Variants in SMIM17 observed in about 807,000 individuals in gnomAD.
The protein encoded by SMIM17 is small integral membrane protein 17.
In SMIM17, 10 loss-of-function variants were observed where a neutral mutation model predicts 12.2. The observed-to-expected ratio is 0.82, with a 90% CI of 0.50 to 1.39. SMIM17 has a LOEUF of 1.39. SMIM17 is among the 40% of genes most tolerant of loss of function. The pLI, the probability that SMIM17 is intolerant of heterozygous loss-of-function variation, is 0.00. For synonymous variants in SMIM17, 50 were observed against 44.1 expected (o/e 1.13, Z -0.53); for missense variants, 136 against 118.2 (o/e 1.15, Z -0.70).
rs2045142201 is a variant in SMIM17, at chr19:56,655,391, T to A, written c.*178T>A. Reference sequence around the variant, plus strand: ...TTGGTGTGAGTTTTCACATACTTTATTTCCATGAAATGAAGACATCATTGA... The same window carrying A: ...TTGGTGTGAGTTTTCACATACTTTAATTCCATGAAATGAAGACATCATTGA... On this transcript the variant is annotated 3_prime_UTR_variant, in exon 4 of 4. Transcript: ENST00000598409. The A allele has an allele frequency of 2.1e-6, 1 of 486,426 alleles. No individual in the cohort carries two copies. Among genetic ancestry groups the A allele is most frequent in the South Asian group, 4.3e-5 (1 of 23,194 alleles). 30.1% of individuals were successfully genotyped at this position (486,426 alleles called of 1,614,324 possible).
chr19:56,653,678 T>A (rs1368121842), intron 3 of SMIM17, among the ~76,000 whole-genome samples: 2 of 152,320 alleles, frequency 1.3e-5, no homozygotes, highest in East Asian at 3.9e-4. Flanking sequence ...CCAACAACTT[T>A]TGGTGCTCTA....
intron 3 of SMIM17, 33 bp from the exon 4 acceptor site, chr19:56,655,070 C>T: frequency 1.6e-6 from 1 of 643,308 alleles, no homozygotes; most frequent in Non-Finnish European, 2.9e-6. Flanking sequence ...CCTTCCTTTC[C>T]AATATTTATC....
At chr19:56,644,681 G>A (rs1417602403) in intron 1 of SMIM17, among the ~76,000 whole-genome samples, 1 of 152,176 alleles carries the variant, frequency 6.6e-6, no homozygotes, top group Non-Finnish European at 1.5e-5. Context: ...ACTGCCATTT[G>A]TTCATGTGCT....
At chr19:56,654,493 G>A (rs1452277471) in intron 3 of SMIM17, among the ~76,000 whole-genome samples, 1 of 152,216 alleles carries the variant, frequency 6.6e-6, no homozygotes, top group South Asian at 2.1e-4. Flanking sequence ...CCAGGGTGGT[G>A]GTAGTGAAGG....
At chr19:56,646,603 C>T (rs2045065099) in intron 2 of SMIM17, among the ~76,000 whole-genome samples, 1 of 152,110 alleles carries the variant, frequency 6.6e-6, no homozygotes, top group African/African-American at 2.4e-5. Flanking sequence ...CTGAGTCTCA[C>T]TGCATGTGAG....
At chr19:56,654,592 G>A (rs141444793) in intron 3 of SMIM17, among the ~76,000 whole-genome samples, 1 of 152,342 alleles carries the variant, frequency 6.6e-6, no homozygotes, top group Non-Finnish European at 1.5e-5. Context: ...CAGAAAGAGA[G>A]TCAAGGATAC....
Position 56,650,858 on chromosome 19 carries a change from A to G in SMIM17, c.246+3224A>G, listed in dbSNP as rs2045103795. On this transcript the variant is annotated intron_variant, in intron 3 of 3. Coordinates refer to ENST00000598409, the MANE Select transcript of SMIM17 (RefSeq NM_001193628.2). Reference sequence around the variant, plus strand: ...AAGGAGGCAGTTTGGAAGAAATGACAAGGTCGATTTTAGACATGCTGCTTG... The same window carrying G: ...AAGGAGGCAGTTTGGAAGAAATGACGAGGTCGATTTTAGACATGCTGCTTG... Among the ~76,000 whole-genome samples, 3 of 152,212 alleles carry G rather than the reference A, an allele frequency of 2.0e-5. No individual in the cohort carries two copies. The South Asian group carries it at 6.2e-4, about 32-fold the overall frequency.
At chr19:56,646,839 C>T (rs1450677635) in intron 2 of SMIM17, among the ~76,000 whole-genome samples, 3 of 152,068 alleles carry the variant, frequency 2.0e-5, no homozygotes, top group African/African-American at 7.2e-5. Flanking sequence ...GTGCCATTTG[C>T]CGACATCTCA....
Position 56,645,334 on chromosome 19 carries a change from C to T in SMIM17, c.-100-234C>T, listed in dbSNP as rs73632500. ...ATGTGAGTGTGTGTGTCTGCATGTG[C>T]CTGCCCATGACAATCACTCCCTTTC... is the stretch of plus-strand genomic sequence containing the variant. On this transcript the variant is annotated intron_variant, in intron 1 of 3. Transcript: ENST00000598409. 1.8e-3 allele frequency among the ~76,000 whole-genome samples: 278 copies of T among 152,070 alleles called. 1 individual carries two copies. Among genetic ancestry groups the T allele is most frequent in the African/African-American group, 6.5e-3 (270 of 41,482 alleles).
intron 3 of SMIM17, among the ~76,000 whole-genome samples, chr19:56,651,283 G>A (rs114350929): frequency 6.6e-6 from 1 of 152,270 alleles, no homozygotes; most frequent in African/African-American, 2.4e-5. Context: ...GTAAATGGCA[G>A]AGCTAGGATT....
intron 3 of SMIM17, among the ~76,000 whole-genome samples, chr19:56,652,383 A>G (rs2045116195): frequency 6.6e-6 from 1 of 152,036 alleles, no homozygotes; most frequent in African/African-American, 2.4e-5. Flanking sequence ...GGCTGGGCGC[A>G]GTGGCTCACG....
At chr19:56,654,094 T>C (rs2045130030) in intron 3 of SMIM17, among the ~76,000 whole-genome samples, 1 of 152,252 alleles carries the variant, frequency 6.6e-6, no homozygotes, top group South Asian at 2.1e-4. Flanking sequence ...AACAAATATT[T>C]ACAGAGTTCA....
intron 1 of SMIM17, among the ~76,000 whole-genome samples, chr19:56,644,363 A>G (rs542710280): frequency 4.5e-4 from 68 of 152,256 alleles, no homozygotes; most frequent in Non-Finnish European, 8.2e-4. Context: ...TCCCCGGCCC[A>G]CACTGAGGTT....
In SMIM17 at chr19:56,656,976, A is replaced by G. The variant is rs1488701404; in HGVS notation, c.*1763A>G. ...TTATGTGCCTGTTAGTTAACTCAGT[A>G]TCGTCAATTATATTGTTCAGATTCA... is the stretch of plus-strand genomic sequence containing the variant. On this transcript the variant is annotated 3_prime_UTR_variant, in exon 4 of 4. Coordinates refer to ENST00000598409, the MANE Select transcript of SMIM17 (RefSeq NM_001193628.2). Among the ~76,000 whole-genome samples, 1 of 152,236 alleles carries G rather than the reference A, an allele frequency of 6.6e-6. No individual in the cohort carries two copies. The highest frequency in any genetic ancestry group is 2.4e-5 in the African/African-American group (1 of 41,472).
rs1354800715 is a variant in SMIM17, at chr19:56,655,744, C to T, written c.*531C>T. ...CATAGAAAGACTTGGGTAACTTTTACCTTTTCTATGCTTTTCAATAGTTTC... is the reference window on the plus strand; with the variant it reads ...CATAGAAAGACTTGGGTAACTTTTATCTTTTCTATGCTTTTCAATAGTTTC... On this transcript the variant is annotated 3_prime_UTR_variant, in exon 4 of 4. Transcript: ENST00000598409. The T allele has an allele frequency of 6.5e-6, 1 of 153,326 alleles. No homozygotes were observed. The highest frequency in any genetic ancestry group is 6.5e-5 in the Admixed American group (1 of 15,408). 9.5% of individuals were successfully genotyped at this position (153,326 alleles called of 1,614,324 possible).
chr19:56,648,237 AC>A (rs886520402), intron 3 of SMIM17, among the ~76,000 whole-genome samples: 5 of 145,846 alleles, frequency 3.4e-5, no homozygotes, highest in Non-Finnish European at 7.5e-5. Flanking sequence ...CCACCCATAA[AC>A]CCTCCCTTCC....
chr19:56,648,745 A>G (rs2045087215), intron 3 of SMIM17, among the ~76,000 whole-genome samples: 1 of 152,262 alleles, frequency 6.6e-6, no homozygotes, highest in Non-Finnish European at 1.5e-5. Flanking sequence ...CAGATACTAC[A>G]AGTAAAACCA....
In SMIM17 at chr19:56,645,742, G is replaced by A. The variant is rs528266649; in HGVS notation, c.75G>A (p.Glu25=). ...GGACCAAGACTCTGCTGCCTCGGGAGAGCCGGGCCTGGGAGAAGCCTCCTC... is the reference window on the plus strand; with the variant it reads ...GGACCAAGACTCTGCTGCCTCGGGAAAGCCGGGCCTGGGAGAAGCCTCCTC... The part of the protein sequence containing the change: ...PERTKTLLPR[E]SRAWEKPPHP... The change falls in exon 2 of 4, where the codon GAG becomes GAA. Residue 25 remains glutamate, a synonymous_variant. Transcript: ENST00000598409. 3.9e-6 allele frequency: 6 copies of A among 1,535,762 alleles called. No individual in the cohort carries two copies. In the South Asian group the frequency reaches 7.1e-5, roughly 18 times the overall value.
At chr19:56,647,933 C>T (rs997576824) in intron 3 of SMIM17, among the ~76,000 whole-genome samples, 3 of 152,046 alleles carry the variant, frequency 2.0e-5, no homozygotes, top group Admixed American at 6.5e-5. Flanking sequence ...CACCCTCTTA[C>T]CTTTCCAATC....
Sources: gnomAD v4.1 joint callset for allele counts (sites outside exome capture counted in the v4.1 genomes callset) on GRCh38, gnomAD v4.1.1 for gene constraint, MANE v1.5 for transcripts, NCBI Gene and HGNC (gene_info 2026-07-23, HGNC 2026-07-21) for gene names.